Variants in OXR1 observed in about 807,000 individuals in gnomAD.
The protein encoded by OXR1 is oxidation resistance protein 1.
Under a neutral mutation model 104.6 loss-of-function variants are expected in OXR1, and 41 were observed. The observed-to-expected ratio is 0.39, with a 90% CI of 0.31 to 0.51. The LOEUF (loss-of-function observed/expected upper bound fraction) is 0.51. Among genes scored for constraint, OXR1 ranks in the 20% least tolerant of loss-of-function variants. The pLI is 0.77. For synonymous variants in OXR1, 348 were observed against 348.4 expected, an observed-to-expected ratio of 1.00 and a Z score of 0.01; for missense variants, 955 against 1,031.9, an observed-to-expected ratio of 0.93 and a Z score of 1.02.
At chr8:106,408,453 A>G (rs1818332277) in intron 2 of OXR1, among the ~76,000 whole-genome samples, 1 of 152,108 alleles carries the variant, frequency 6.6e-6, no homozygotes, top group Non-Finnish European at 1.5e-5. Flanking sequence ...TTACTTTGTA[A>G]GGATTTAGAT....
intron 2 of OXR1, among the ~76,000 whole-genome samples, chr8:106,401,079 T>G (rs2130474723): frequency 6.6e-6 from 1 of 152,316 alleles, no homozygotes; most frequent in Non-Finnish European, 1.5e-5. Context: ...TCACCAATTT[T>G]TCAATCATGT....
intron 2 of OXR1, among the ~76,000 whole-genome samples, chr8:106,414,393 A>G (rs981337425): frequency 6.6e-6 from 1 of 152,200 alleles, no homozygotes; most frequent in African/African-American, 2.4e-5. Flanking sequence ...AAGCTAGTGT[A>G]TATTTATTTT....
At chr8:106,472,054 G>C (rs80111965) in intron 2 of OXR1, among the ~76,000 whole-genome samples, 1 of 151,792 alleles carries the variant, frequency 6.6e-6, no homozygotes. Context: ...TTCAGGATCA[G>C]TTTGTTGTTA....
intron 2 of OXR1, among the ~76,000 whole-genome samples, chr8:106,390,554 A>C (rs1817552932): frequency 6.6e-6 from 1 of 152,212 alleles, no homozygotes; most frequent in African/African-American, 2.4e-5. Flanking sequence ...TCACACAGAA[A>C]GTATCAGAAC....
intron 11 of OXR1, among the ~76,000 whole-genome samples, chr8:106,720,391 T>G (rs1162436927): frequency 2.0e-5 from 3 of 152,170 alleles, no homozygotes; most frequent in African/African-American, 7.2e-5. Context: ...ATGCCACAAC[T>G]TCAGGTGTTG....
chr8:106,579,182 A>G (rs1038707003), intron 3 of OXR1, among the ~76,000 whole-genome samples: 1 of 152,062 alleles, frequency 6.6e-6, no homozygotes, highest in African/African-American at 2.4e-5. Context: ...TTTCTGGCTT[A>G]CAGTTTGGGT....
rs12679593 is a variant in OXR1, at chr8:106,327,274, C to A, written c.-138-32202C>A. ...AGCAATTTTATGTCCTTTCAAAAAG[C>A]ATAGTTTGAACCAAGAAAAAGTTAC... On this transcript the variant is annotated intron_variant, in intron 1 of 16. Transcript: ENST00000517566. Among the ~76,000 whole-genome samples the A allele has an allele frequency of 2.8e-4, 42 of 152,260 alleles. 1 individual carries two copies. The highest frequency in any genetic ancestry group is 5.8e-4 in the East Asian group (3 of 5,172).
At chr8:106,626,616 C>T (rs1177502087) in intron 3 of OXR1, among the ~76,000 whole-genome samples, 3 of 141,462 alleles carry the variant, frequency 2.1e-5, no homozygotes, top group Non-Finnish European at 4.6e-5. Context: ...TTAACACTTA[C>T]ACATTTATTA....
chr8:106,593,373 A>G (rs1190508195), intron 3 of OXR1, among the ~76,000 whole-genome samples: 1 of 152,242 alleles, frequency 6.6e-6, no homozygotes, highest in Non-Finnish European at 1.5e-5. Context: ...ATCATATAAA[A>G]TAGTGGATCC....
At chr8:106,612,887 CCCTACA>C (rs1386726915) in intron 3 of OXR1, among the ~76,000 whole-genome samples, 3 of 152,022 alleles carry the variant, frequency 2.0e-5, no homozygotes. Context: ...AAGTAATTGG[CCCTACA>C]CCTCAAGGCT....
At chr8:106,328,527 G>T (rs1814574208) in intron 1 of OXR1, among the ~76,000 whole-genome samples, 1 of 152,158 alleles carries the variant, frequency 6.6e-6, no homozygotes, top group South Asian at 2.1e-4. Context: ...AATAAGCAAA[G>T]GCGGTCCTGC....
chr8:106,410,449 T>G (rs1291669617), intron 2 of OXR1, among the ~76,000 whole-genome samples: 1 of 152,174 alleles, frequency 6.6e-6, no homozygotes, highest in Non-Finnish European at 1.5e-5. Flanking sequence ...ATGTAATTCC[T>G]TCAATATTCA....
intron 2 of OXR1, among the ~76,000 whole-genome samples, chr8:106,443,270 T>C (rs1819867444): frequency 6.6e-6 from 1 of 152,100 alleles, no homozygotes. Context: ...ACTGAGAGAC[T>C]GTTTATTATA....
intron 3 of OXR1, among the ~76,000 whole-genome samples, chr8:106,627,130 G>A (rs10089338): frequency 0.2 from 29,769 of 151,930 alleles, 3,218 homozygotes; most frequent in East Asian, 0.38. Context: ...ATCCGTAAAG[G>A]GAAGAATTCA....
At chr8:106,292,261 A>G (rs1417689268) in intron 1 of OXR1, among the ~76,000 whole-genome samples, 4 of 152,256 alleles carry the variant, frequency 2.6e-5, no homozygotes, top group African/African-American at 9.6e-5. Context: ...GAAGCTGGAA[A>G]GTGCTTCCTT....
chr8:106,291,941 C>T (rs1812773665), intron 1 of OXR1, among the ~76,000 whole-genome samples: 1 of 152,084 alleles, frequency 6.6e-6, no homozygotes, highest in Non-Finnish European at 1.5e-5. Flanking sequence ...TTACCCCCAC[C>T]CCCCAACGGG....
chr8:106,400,825 G>A (rs1817968986), intron 2 of OXR1, among the ~76,000 whole-genome samples: 1 of 152,096 alleles, frequency 6.6e-6, no homozygotes, highest in South Asian at 2.1e-4. Context: ...CAATTCTGCT[G>A]GGTAGATTAT....
At chr8:106,670,964 G>C (rs1380469529) in intron 3 of OXR1, among the ~76,000 whole-genome samples, 1 of 145,990 alleles carries the variant, frequency 6.8e-6, no homozygotes, top group African/African-American at 2.6e-5. Flanking sequence ...AGAATTGCTT[G>C]AACCTGGCAG....
intron 11 of OXR1, among the ~76,000 whole-genome samples, chr8:106,722,697 A>G (rs528405100): frequency 6.6e-6 from 1 of 152,190 alleles, no homozygotes; most frequent in Non-Finnish European, 1.5e-5. Flanking sequence ...ATACCGTATA[A>G]CCTGGTTATA....
Sources: allele counts gnomAD v4.1 joint callset (sites outside exome capture counted in the v4.1 genomes callset), GRCh38; gene constraint gnomAD v4.1.1; transcripts MANE v1.5; gene names NCBI Gene and HGNC (gene_info 2026-07-23, HGNC 2026-07-21).